CPVL: variants seen among roughly 807,000 people sequenced by gnomAD.
CPVL encodes carboxypeptidase vitellogenic like, also known as probable serine carboxypeptidase CPVL.
Under a neutral mutation model 63.7 loss-of-function variants are expected in CPVL, and 51 were observed. The ratio of observed to expected loss-of-function variants is 0.80; its 90% CI spans 0.64 to 1.01. The LOEUF (loss-of-function observed/expected upper bound fraction) is 1.01. CPVL is among the 50% of genes least tolerant of loss of function. The pLI is 0.00. For synonymous variants in CPVL, 195 were observed against 206.0 expected, an observed-to-expected ratio of 0.95 and a Z score of 0.46; for missense variants, 530 against 573.1, an observed-to-expected ratio of 0.92 and a Z score of 0.77.
chr7:29,187,508 G>A (rs1402169710), intron 1 of CPVL, among the ~76,000 whole-genome samples: 1 of 152,114 alleles, frequency 6.6e-6, no homozygotes, highest in Non-Finnish European at 1.5e-5. Flanking sequence ...CGGATCACCT[G>A]AGGTCAGGAG....
chr7:29,009,183 G>T (rs1368674309), intron 12 of CPVL: 1 of 89,350 alleles, frequency 1.1e-5, no homozygotes, highest in Non-Finnish European at 2.3e-5. Flanking sequence ...CAATTTGATG[G>T]CATTAAAAAA....
At chr7:29,096,019 A>G (rs546973274) in intron 4 of CPVL, 84 bp downstream of exon 4, 13 of 1,032,712 alleles carry the variant, frequency 1.3e-5, no homozygotes, top group African/African-American at 1.3e-4. Flanking sequence ...ATAGTGGTTC[A>G]GTGTTTACTC....
At chr7:29,049,088 A>G (rs1789905239) in intron 11 of CPVL, among the ~76,000 whole-genome samples, 1 of 152,122 alleles carries the variant, frequency 6.6e-6, no homozygotes, top group South Asian at 2.1e-4. Flanking sequence ...CTGATATCCT[A>G]AAGTCAAACC....
chr7:29,093,892 A>G (rs1786116181), intron 5 of CPVL, among the ~76,000 whole-genome samples: 1 of 152,226 alleles, frequency 6.6e-6, no homozygotes. Flanking sequence ...GAGAGAAGTT[A>G]AAGATTTTAG....
At position 29,043,381 on chromosome 7, in the gene CPVL, A is replaced by C. The variant is rs937241269; in HGVS notation, c.1138-12622T>G. 5.3e-5 allele frequency among the ~76,000 whole-genome samples: 8 copies of C among 152,074 alleles called. No individual in the cohort carries two copies. The East Asian group carries it at 1.2e-3, about 22-fold the overall frequency. ...AAAGCCACCCCATTACCTTGCAATT[A>C]GGTTTTTTGGTGTTGTTTTTCTTCC... On this transcript the variant is annotated intron_variant, in intron 11 of 12. Coordinates refer to ENST00000265394, the MANE Select transcript of CPVL (RefSeq NM_031311.5).
intron 3 of CPVL, among the ~76,000 whole-genome samples, chr7:29,110,986 G>A (rs1788170621): frequency 1.3e-5 from 2 of 152,228 alleles, no homozygotes; most frequent in Non-Finnish European, 2.9e-5. Flanking sequence ...CACTGCAAGA[G>A]GCAAGAAAAG....
chr7:29,152,235 T>A (rs1040650381), intron 5 of CPVL, among the ~76,000 whole-genome samples: 2 of 152,174 alleles, frequency 1.3e-5, no homozygotes, highest in African/African-American at 4.8e-5. Context: ...GCATAAAACC[T>A]TATGTTGCTT....
At chr7:29,034,303 C>T (rs1053219498) in intron 11 of CPVL, among the ~76,000 whole-genome samples, 2 of 152,080 alleles carry the variant, frequency 1.3e-5, no homozygotes, top group African/African-American at 2.4e-5. Flanking sequence ...GACGGGGTTT[C>T]GCCATGTTGC....
At chr7:29,138,811 C>T (rs1791533205) in intron 1 of CPVL, among the ~76,000 whole-genome samples, 1 of 152,168 alleles carries the variant, frequency 6.6e-6, no homozygotes, top group East Asian at 1.9e-4. Context: ...AGTCTAAGTT[C>T]CTGAGCTGCC....
chr7:29,138,441 AAAT>A (rs1046532539), intron 1 of CPVL, among the ~76,000 whole-genome samples: 10 of 152,290 alleles, frequency 6.6e-5, no homozygotes, highest in African/African-American at 1.7e-4. Context: ...CTACGTCTCC[AAAT>A]AATAATAATA....
chr7:29,153,058 C>A (rs1462007922), intron 5 of CPVL, among the ~76,000 whole-genome samples: 3 of 152,238 alleles, frequency 2.0e-5, no homozygotes, highest in Non-Finnish European at 2.9e-5. Flanking sequence ...TAGCACTCTA[C>A]ACCACCATGT....
intron 1 of CPVL, among the ~76,000 whole-genome samples, chr7:29,143,169 T>C (rs1792082563): frequency 6.6e-6 from 1 of 152,200 alleles, no homozygotes; most frequent in South Asian, 2.1e-4. Context: ...ATGATACAAC[T>C]TCAACATAAC....
chr7:29,075,519 T>TAAAAAAAAA lies in CPVL; in HGVS notation c.610-3105_610-3097dup, dbSNP rs10658501. Among the ~76,000 whole-genome samples, 13 of 128,978 alleles carry TAAAAAAAAA rather than the reference T, an allele frequency of 1.0e-4. 6 individuals are homozygous for TAAAAAAAAA. The highest frequency in any genetic ancestry group is 1.1e-4 in the Non-Finnish European group (7 of 62,296). The allele number at this position is 128,978 out of a possible 152,430, so 84.6% of individuals were successfully genotyped here. A position where few individuals can be genotyped will look rare whatever the true frequency, so the allele number is the denominator to read the frequency against. ...TCTTTTCTATTGAGAAGATACTTCT[T>TAAAAAAAAA]AAAAAAAAAAAAAAAAAAGCCATCA... On this transcript the variant is annotated intron_variant, in intron 7 of 12. Transcript: ENST00000265394.
At chr7:29,173,508 C>T (rs1450369955) in intron 5 of CPVL, among the ~76,000 whole-genome samples, 1 of 151,938 alleles carries the variant, frequency 6.6e-6, no homozygotes, top group Non-Finnish European at 1.5e-5. Flanking sequence ...AACTTTCTTT[C>T]CTTAAACTCA....
chr7:29,179,779 G>A (rs763072931), intron 5 of CPVL, among the ~76,000 whole-genome samples: 23 of 152,020 alleles, frequency 1.5e-4, no homozygotes, highest in Non-Finnish European at 3.2e-4. Context: ...ATTTGTGGAG[G>A]GGCTATATAG....
At chr7:29,142,059 T>C (rs573733681) in intron 1 of CPVL, among the ~76,000 whole-genome samples, 1 of 152,328 alleles carries the variant, frequency 6.6e-6, no homozygotes, top group South Asian at 2.1e-4. Context: ...AACTTTCTCT[T>C]CTTCTTTCCT....
At chr7:29,144,094 T>A (rs1248726139) in intron 1 of CPVL, among the ~76,000 whole-genome samples, 18 of 152,228 alleles carry the variant, frequency 1.2e-4, no homozygotes, top group Non-Finnish European at 1.5e-5. Flanking sequence ...CACAAGTCAA[T>A]ATAGACGTTA....
chr7:28,994,895 CAT>C (rs1783931918), downstream of CPVL, among the ~76,000 whole-genome samples: 1 of 152,186 alleles, frequency 6.6e-6, no homozygotes, highest in East Asian at 1.9e-4. Flanking sequence ...GATGTGAGCA[CAT>C]GATGCATAAA....
chr7:29,043,315 G>A (rs1389845315), intron 11 of CPVL, among the ~76,000 whole-genome samples: 1 of 151,688 alleles, frequency 6.6e-6, no homozygotes, highest in Non-Finnish European at 1.5e-5. Flanking sequence ...TCAGTCAGGT[G>A]CAAGACTTTC....
Sources: allele counts gnomAD v4.1 joint callset (sites outside exome capture counted in the v4.1 genomes callset), GRCh38; gene constraint gnomAD v4.1.1; transcripts MANE v1.5; gene names NCBI Gene and HGNC (gene_info 2026-07-23, HGNC 2026-07-21).